Variants in FANCB observed in about 807,000 individuals in gnomAD.
FANCB encodes the protein Fanconi anemia group B protein.
A neutral mutation model predicts 38.9 loss-of-function variants in FANCB; 5 were observed. The ratio of observed to expected loss-of-function variants is 0.13; its 90% confidence interval spans 0.07 to 0.27. FANCB has a LOEUF of 0.27. Ranked by LOEUF, FANCB falls within the 10% of genes least tolerant of loss-of-function variation. FANCB has a pLI of 1.00. For synonymous variants in FANCB, 236 were observed against 215.4 expected, an observed-to-expected ratio of 1.10 and a Z score of -0.84; for missense variants, 573 against 602.7, an observed-to-expected ratio of 0.95 and a Z score of 0.52.
chrX:14,824,714 C>T, the FANCB span, among the ~76,000 whole-genome samples: 356 of 112,376 alleles, frequency 3.2e-3, 1 homozygote, highest in African/African-American at 0.01. Flanking sequence ...ACTTCTAGAA[C>T]GTAGTAACTT....
chrX:14,720,450 G>T, the FANCB span, among the ~76,000 whole-genome samples: 332 of 111,849 alleles, frequency 3.0e-3, 1 homozygote, highest in African/African-American at 9.7e-3. Context: ...AAAGAGACAA[G>T]GTATCTGCTC....
chrX:14,767,460 AAT>A, the FANCB span, among the ~76,000 whole-genome samples: 1 of 111,634 alleles, frequency 9.0e-6, no homozygotes, highest in Non-Finnish European at 1.9e-5. Context: ...AGCTTTTATT[AAT>A]ATGTTTGTTG....
At chrX:14,869,558 C>A (rs1044742978) in intron 1 of FANCB, among the ~76,000 whole-genome samples, 1 of 111,857 alleles carries the variant, frequency 8.9e-6, no homozygotes, top group African/African-American at 3.3e-5. Flanking sequence ...TTAATCTAAT[C>A]TATCTTCCCT....
chrX:14,846,594 T>C (rs779667135), intron 7 of FANCB, among the ~76,000 whole-genome samples: 27 of 111,587 alleles, frequency 2.4e-4, no homozygotes, highest in Non-Finnish European at 4.2e-4. Flanking sequence ...TATCACAAAA[T>C]GAAACTGATC....
At chrX:14,799,314 C>G in the FANCB span, among the ~76,000 whole-genome samples, 1 of 111,932 alleles carries the variant, frequency 8.9e-6, no homozygotes, top group Non-Finnish European at 1.9e-5. Context: ...AATTCCTTCT[C>G]GCAAAGTTGT....
chrX:14,704,672 T>C, the FANCB span, among the ~76,000 whole-genome samples: 5 of 111,771 alleles, frequency 4.5e-5, no homozygotes, highest in Non-Finnish European at 9.4e-5. Flanking sequence ...TAAATGACCT[T>C]GGCTCTGTGC....
At chrX:14,794,982 A>C in the FANCB span, among the ~76,000 whole-genome samples, 3 of 112,388 alleles carry the variant, frequency 2.7e-5, no homozygotes, top group Non-Finnish European at 3.8e-5. Flanking sequence ...TTGAGTGAAC[A>C]TGCCTTTTTG....
the FANCB span, among the ~76,000 whole-genome samples, chrX:14,817,167 C>T: frequency 4.2e-3 from 468 of 111,143 alleles, 2 homozygotes; most frequent in Middle Eastern, 0.019. Flanking sequence ...CTGAGAAACT[C>T]GGCCATTTGG....
At chrX:14,823,079 C>CT in the FANCB span, among the ~76,000 whole-genome samples, 5,832 of 70,917 alleles carry the variant, frequency 0.082, 595 homozygotes, top group African/African-American at 0.22. Flanking sequence ...TACCCTTTTA[C>CT]TTTTTTTTTT....
chrX:14,728,075 G>A, the FANCB span, among the ~76,000 whole-genome samples: 1 of 112,358 alleles, frequency 8.9e-6, no homozygotes, highest in Admixed American at 9.5e-5. Flanking sequence ...TTATAAAGTA[G>A]TAGTTTTATA....
At chrX:14,757,380 T>C in the FANCB span, among the ~76,000 whole-genome samples, 3 of 111,924 alleles carry the variant, frequency 2.7e-5, no homozygotes, top group Non-Finnish European at 5.6e-5. Flanking sequence ...GAGCAGTGTG[T>C]GGAGACTCAC....
chrX:14,809,413 T>C, the FANCB span, among the ~76,000 whole-genome samples: 2 of 111,768 alleles, frequency 1.8e-5, no homozygotes, highest in Non-Finnish European at 3.8e-5. Context: ...GGTCAGGGAG[T>C]TCCCTTTCCG....
intron 5 of FANCB, among the ~76,000 whole-genome samples, chrX:14,854,904 A>G (rs1466788977): frequency 9.0e-6 from 1 of 111,579 alleles, no homozygotes; most frequent in African/African-American, 3.3e-5. Context: ...CTTTGTATGA[A>G]TTCTTAAGGA....
the FANCB span, among the ~76,000 whole-genome samples, chrX:14,717,168 A>C: frequency 9.1e-6 from 1 of 110,480 alleles, no homozygotes; most frequent in Non-Finnish European, 1.9e-5. Flanking sequence ...CAATAAATTG[A>C]ATGGATTGAC....
the FANCB span, among the ~76,000 whole-genome samples, chrX:14,715,775 C>T: frequency 1.8e-5 from 2 of 111,365 alleles, no homozygotes; most frequent in Non-Finnish European, 3.8e-5. Context: ...TAAGGCAGGA[C>T]ATGGGGGTCC....
the FANCB span, among the ~76,000 whole-genome samples, chrX:14,760,176 G>A: frequency 8.9e-6 from 1 of 112,106 alleles, no homozygotes; most frequent in African/African-American, 3.2e-5. Context: ...CTTAAATAAA[G>A]AAAGAAAATG....
chrX:14,704,201 T>G, the FANCB span, among the ~76,000 whole-genome samples: 1 of 112,528 alleles, frequency 8.9e-6, no homozygotes, highest in African/African-American at 3.2e-5. Flanking sequence ...TCTGTGCTGC[T>G]GAGCTTCTAA....
the FANCB span, among the ~76,000 whole-genome samples, chrX:14,699,594 A>G: frequency 3.6e-5 from 4 of 111,963 alleles, no homozygotes; most frequent in African/African-American, 1.3e-4. Context: ...CATCTCTTCT[A>G]GATATTTTGA....
chrX:14,837,156 T>A (rs911933592), intron 10 of FANCB, among the ~76,000 whole-genome samples: 3 of 112,142 alleles, frequency 2.7e-5, no homozygotes, highest in Admixed American at 9.5e-5. Flanking sequence ...AGGCAAAAGG[T>A]ACAAATAGAA....
Sources: allele counts gnomAD v4.1 joint callset (sites outside exome capture counted in the v4.1 genomes callset), GRCh38; gene constraint gnomAD v4.1.1; transcripts MANE v1.5; gene names NCBI Gene and HGNC (gene_info 2026-07-23, HGNC 2026-07-21).